The following CDC123 variants were observed in gnomAD, a reference collection of about 807,000 sequenced individuals.
CDC123 encodes the protein translation initiation factor eIF2 assembly protein.
Under a neutral mutation model 54.4 loss-of-function variants are expected in CDC123, and 37 were observed. The ratio of observed to expected loss-of-function variants is 0.68; its 90% CI spans 0.52 to 0.89. The LOEUF is 0.89. Among genes scored for constraint, CDC123 ranks in the 40% least tolerant of loss-of-function variants. The probability of loss-of-function intolerance (pLI) is 0.00; values close to 1 mark genes in which losing one functional copy is unlikely to be tolerated. For synonymous variants in CDC123, 144 were observed against 136.8 expected (o/e 1.05, Z -0.37); for missense variants, 361 against 412.1 (o/e 0.88, Z 1.07).
rs754563359 is a variant in CDC123 at position 12,217,366 on chromosome 10, G to A, written c.339G>A (p.Ala113=). ...GCATGTGCTTCATTCTTTAGGATGC[G>A]TATTGGATAGCAATGAATAGTTCTC... ...PKLNWSAPRD[A]YWIAMNSSLK... The change falls in exon 6 of 13, where the codon GCG becomes GCA. Residue 113 remains alanine, a synonymous_variant. Coordinates refer to ENST00000281141, the MANE Select transcript of CDC123 (RefSeq NM_006023.3). 154 of 1,612,620 alleles carry A rather than the reference G, an allele frequency of 9.5e-5. 1 individual carries two copies. Among genetic ancestry groups the A allele is most frequent in the South Asian group, 3.7e-4 (34 of 90,754 alleles).
At chr10:12,214,517 GTTATTA>G (rs1835640085) in intron 4 of CDC123, among the ~76,000 whole-genome samples, 1 of 152,222 alleles carries the variant, frequency 6.6e-6, no homozygotes, top group Non-Finnish European at 1.5e-5. Context: ...AAGATAGATA[GTTATTA>G]ACCAGTCTAG....
intron 6 of CDC123, among the ~76,000 whole-genome samples, chr10:12,220,964 G>A (rs1435628312): frequency 8.0e-5 from 12 of 150,124 alleles, no homozygotes; most frequent in South Asian, 4.2e-4. Flanking sequence ...GCGACAGAGC[G>A]AGACTTTGTC....
chr10:12,249,543 A>G, intron 11 of CDC123, 38 bp from the exon 12 acceptor site: 1 of 1,593,342 alleles, frequency 6.3e-7, no homozygotes, highest in East Asian at 2.2e-5. Context: ...CTAAAAATAA[A>G]TGATTGATAT....
At chr10:12,234,316 C>G (rs1051601694) in intron 7 of CDC123, among the ~76,000 whole-genome samples, 1 of 152,194 alleles carries the variant, frequency 6.6e-6, no homozygotes, top group African/African-American at 2.4e-5. Context: ...ATGGCGCGAT[C>G]TGGGCTCTCT....
chr10:12,237,006 T>A, intron 8 of CDC123, 138 bp from the exon 9 acceptor site: 2 of 910,870 alleles, frequency 2.2e-6, no homozygotes, highest in Non-Finnish European at 3.0e-6. Flanking sequence ...TACAGCTGGG[T>A]CGTGTGTAAT....
rs553828145 is a variant in CDC123, at chr10:12,214,712, G to A, written c.238-1028G>A. 8.5e-5 allele frequency among the ~76,000 whole-genome samples: 13 copies of A among 152,200 alleles called. No homozygotes were observed. The South Asian group carries it at 1.9e-3, about 22-fold the overall frequency. ...TTGTCACAGTTTTTTCTCTCGCATA[G>A]CTGGGTTAGATCTTGGGGATCCACA... is the stretch of plus-strand genomic sequence containing the variant. On this transcript the variant is annotated intron_variant, in intron 4 of 12. Transcript: ENST00000281141.
At chr10:12,205,441 C>A (rs1354678123) in intron 2 of CDC123, among the ~76,000 whole-genome samples, 1 of 152,180 alleles carries the variant, frequency 6.6e-6, no homozygotes, top group Non-Finnish European at 1.5e-5. Flanking sequence ...TGCAAATACT[C>A]CAAAATCCCA....
chr10:12,200,963 G>T (rs1480855194), intron 2 of CDC123, among the ~76,000 whole-genome samples: 3 of 151,842 alleles, frequency 2.0e-5, no homozygotes, highest in African/African-American at 4.8e-5. Context: ...TAAACAACAC[G>T]ATACAGTGCT....
intron 6 of CDC123, among the ~76,000 whole-genome samples, chr10:12,230,286 G>C (rs1257452235): frequency 6.6e-6 from 1 of 151,634 alleles, no homozygotes; most frequent in South Asian, 2.1e-4. Flanking sequence ...TCCGCCTCAC[G>C]GTTTTAGGTG....
intron 10 of CDC123, among the ~76,000 whole-genome samples, chr10:12,244,109 A>T (rs918914008): frequency 3.9e-5 from 6 of 152,178 alleles, no homozygotes; most frequent in Admixed American, 2.6e-4. Context: ...TGTGCCACTT[A>T]ACTGGAGGTT....
intron 10 of CDC123, among the ~76,000 whole-genome samples, chr10:12,244,458 C>T (rs1836101570): frequency 6.6e-6 from 1 of 152,246 alleles, no homozygotes; most frequent in East Asian, 1.9e-4. Context: ...GCCCCTGTGC[C>T]CCCGCTCTGT....
At chr10:12,224,999 A>G (rs1288142918) in intron 6 of CDC123, among the ~76,000 whole-genome samples, 1 of 152,014 alleles carries the variant, frequency 6.6e-6, no homozygotes, top group African/African-American at 2.4e-5. Flanking sequence ...AATGGTGCAG[A>G]CTTCCTGCTG....
At chr10:12,246,044 TG>T in intron 10 of CDC123, 104 bp from the exon 11 acceptor site, 1 of 1,269,982 alleles carries the variant, frequency 7.9e-7, no homozygotes, top group African/African-American at 1.5e-5. Context: ...CACTGCAGCC[TG>T]GGCAACAGCA....
intron 10 of CDC123, among the ~76,000 whole-genome samples, chr10:12,243,003 G>GT (rs1005957078): frequency 3.3e-4 from 50 of 151,962 alleles, no homozygotes; most frequent in Admixed American, 6.6e-4. Context: ...TTACAGCTGG[G>GT]TTTTTTTTAA....
At chr10:12,209,003 A>G (rs1835558920) in intron 2 of CDC123, among the ~76,000 whole-genome samples, 1 of 152,138 alleles carries the variant, frequency 6.6e-6, no homozygotes, top group Non-Finnish European at 1.5e-5. Context: ...CAGTAGTTCC[A>G]TCATCTGTGT....
Position 12,238,465 on chromosome 10 carries a change from G to T in CDC123, c.697G>T (p.Asp233Tyr), listed in dbSNP as rs1268557743. The change falls in exon 10 of 13, where the codon GAT (aspartate) becomes TAT (tyrosine). Residue 233 changes from aspartate to tyrosine, a missense_variant. Physicochemically the swap from Asp to Tyr is radical, Grantham distance 160. Coordinates refer to ENST00000281141, the MANE Select transcript of CDC123 (RefSeq NM_006023.3). The part of the protein sequence containing the change: ...YKFLDEDFVF[D>Y]IYRDSRGKVW... ...TTTTTTCTCCTTTACAGTTGTGTTCGATATATACAGAGACAGTAGGGTAAG... is the reference window on the plus strand; with the variant it reads ...TTTTTTCTCCTTTACAGTTGTGTTCTATATATACAGAGACAGTAGGGTAAG... 6.2e-7 allele frequency: 1 copy of T among 1,605,128 alleles called. No homozygotes were observed. The highest frequency in any genetic ancestry group is 8.5e-7 in the Non-Finnish European group (1 of 1,177,154).
chr10:12,201,817 G>C (rs1835443932), intron 2 of CDC123, among the ~76,000 whole-genome samples: 1 of 152,156 alleles, frequency 6.6e-6, no homozygotes. Context: ...GGAGGATATT[G>C]CATTTGACTG....
intron 8 of CDC123, among the ~76,000 whole-genome samples, 153 bp from the exon 9 acceptor site, chr10:12,236,991 A>G (rs537596572): frequency 6.6e-6 from 1 of 152,334 alleles, no homozygotes; most frequent in East Asian, 1.9e-4. Context: ...GTTCATATGA[A>G]TCCTTACAGC....
intron 10 of CDC123, among the ~76,000 whole-genome samples, chr10:12,241,804 G>T (rs373850754): frequency 5.1e-4 from 78 of 152,244 alleles, no homozygotes; most frequent in African/African-American, 1.8e-3. Context: ...ATTGTGTCCT[G>T]CCCTGTCATT....
Sources: gnomAD v4.1 joint callset for allele counts (sites outside exome capture counted in the v4.1 genomes callset) on GRCh38, gnomAD v4.1.1 for gene constraint, MANE v1.5 for transcripts, NCBI Gene and HGNC (gene_info 2026-07-23, HGNC 2026-07-21) for gene names.